ITPR1: variants seen among roughly 807,000 people sequenced by gnomAD.
ITPR1 encodes inositol 1,4,5-trisphosphate-gated calcium channel ITPR1.
ITPR1 carries 96 observed loss-of-function variants against 318.4 expected under a neutral mutation model. The ratio of observed to expected loss-of-function variants is 0.30; its 90% CI spans 0.26 to 0.36. The LOEUF (loss-of-function observed/expected upper bound fraction) is 0.36, where lower values mean the gene tolerates loss of function less well. Among genes scored for constraint, ITPR1 ranks in the 10% least tolerant of loss-of-function variants. The pLI is 1.00. For missense variants in ITPR1, 2,440 were observed against 3,460.2 expected, an observed-to-expected ratio of 0.71 and a Z score of 7.40; for synonymous variants, 1,312 against 1,289.9, an observed-to-expected ratio of 1.02 and a Z score of -0.37.
intron 2 of ITPR1, among the ~76,000 whole-genome samples, chr3:4,497,180 G>T (rs1575301324): frequency 6.6e-6 from 1 of 151,902 alleles, no homozygotes; most frequent in Non-Finnish European, 1.5e-5. Flanking sequence ...CAATTCTCTT[G>T]GTTTCTGTGG....
At chr3:4,535,027 C>T (rs186133577) in intron 4 of ITPR1, among the ~76,000 whole-genome samples, 2 of 151,954 alleles carry the variant, frequency 1.3e-5, no homozygotes, top group African/African-American at 4.8e-5. Context: ...ACCAGCTAAT[C>T]GGTTTTCTAA....
At chr3:4,535,517 A>G (rs1470910171) in intron 4 of ITPR1, among the ~76,000 whole-genome samples, 8 of 130,118 alleles carry the variant, frequency 6.1e-5, no homozygotes, top group African/African-American at 2.3e-4. Context: ...ATCTCGGCTC[A>G]CTCCAAGCTC....
chr3:4,720,573 G>T (rs1404659572), intron 40 of ITPR1, among the ~76,000 whole-genome samples: 1 of 152,164 alleles, frequency 6.6e-6, no homozygotes, highest in African/African-American at 2.4e-5. Context: ...CTGTTTCTAC[G>T]TATTTGAGAT....
At chr3:4,651,766 C>T (rs543009692) in intron 10 of ITPR1, among the ~76,000 whole-genome samples, 2 of 152,324 alleles carry the variant, frequency 1.3e-5, no homozygotes, top group South Asian at 2.1e-4. Flanking sequence ...TGAGTACATG[C>T]GTAGATTGCT....
intron 4 of ITPR1, among the ~76,000 whole-genome samples, chr3:4,546,717 T>C (rs937826873): frequency 6.6e-5 from 10 of 151,994 alleles, no homozygotes; most frequent in Non-Finnish European, 1.2e-4. Context: ...AGGGTGATGA[T>C]TCAAATTCAG....
At chr3:4,617,267 TGAGC>T (rs2092423625) in intron 4 of ITPR1, among the ~76,000 whole-genome samples, 1 of 152,116 alleles carries the variant, frequency 6.6e-6, no homozygotes. Flanking sequence ...TAATTTATAA[TGAGC>T]AGAAACTTGT....
chr3:4,509,416 A>C (rs1404413617), intron 2 of ITPR1, among the ~76,000 whole-genome samples: 1 of 152,214 alleles, frequency 6.6e-6, no homozygotes, highest in Non-Finnish European at 1.5e-5. Context: ...TTCTCATAGA[A>C]ATCTATTGAA....
chr3:4,576,854 A>G (rs1007581359), intron 4 of ITPR1, among the ~76,000 whole-genome samples: 1 of 152,244 alleles, frequency 6.6e-6, no homozygotes, highest in Non-Finnish European at 1.5e-5. Flanking sequence ...GTAGTAATTC[A>G]TGAGGGATCA....
intron 4 of ITPR1, among the ~76,000 whole-genome samples, chr3:4,602,331 G>A (rs192675408): frequency 2.0e-4 from 30 of 152,024 alleles, no homozygotes; most frequent in Non-Finnish European, 3.1e-4. Context: ...ACTAGCCTAG[G>A]CAACATGGCA....
intron 30 of ITPR1, among the ~76,000 whole-genome samples, chr3:4,686,299 A>G (rs984643464): frequency 6.6e-5 from 10 of 152,294 alleles, no homozygotes; most frequent in Admixed American, 6.5e-4. Context: ...TGGGGACCAT[A>G]TGAATCGGGC....
rs141746731 is a variant in ITPR1, at chr3:4,694,962, T to G, written c.4281+1221T>G. On this transcript the variant is annotated intron_variant, in intron 33 of 61. Coordinates refer to ENST00000649015, the MANE Select transcript of ITPR1 (RefSeq NM_001378452.1). ...AACGCATACAGTATATATACTTTACTTCCCCACCCCCTTTTTGTAAATGCA... is the reference window on the plus strand; with the variant it reads ...AACGCATACAGTATATATACTTTACGTCCCCACCCCCTTTTTGTAAATGCA... 5.0e-4 allele frequency among the ~76,000 whole-genome samples: 76 copies of G among 152,348 alleles called. 1 individual carries two copies. The East Asian group carries it at 0.013, about 27-fold the overall frequency.
At chr3:4,574,600 G>A (rs2088424199) in intron 4 of ITPR1, among the ~76,000 whole-genome samples, 1 of 152,182 alleles carries the variant, frequency 6.6e-6, no homozygotes, top group Admixed American at 6.5e-5. Flanking sequence ...ATGTATAACG[G>A]CTTTGTTTTC....
intron 44 of ITPR1, among the ~76,000 whole-genome samples, chr3:4,762,769 T>A (rs1039477449): frequency 2.0e-5 from 3 of 152,198 alleles, no homozygotes; most frequent in Non-Finnish European, 2.9e-5. Flanking sequence ...AGAAACACCT[T>A]CCCAGTGTGG....
At chr3:4,692,481 A>G (rs988090368) in intron 32 of ITPR1, among the ~76,000 whole-genome samples, 3 of 152,216 alleles carry the variant, frequency 2.0e-5, no homozygotes, top group Non-Finnish European at 2.9e-5. Context: ...CTGAGATACA[A>G]TGAGGTTAGG....
chr3:4,770,035 G>A (rs2046085744), intron 46 of ITPR1, among the ~76,000 whole-genome samples: 1 of 152,156 alleles, frequency 6.6e-6, no homozygotes, highest in African/African-American at 2.4e-5. Context: ...AAGGGCATCT[G>A]AACCTCTATC....
intron 51 of ITPR1, among the ~76,000 whole-genome samples, chr3:4,787,730 A>G (rs909090519): frequency 1.3e-5 from 2 of 152,018 alleles, no homozygotes; most frequent in Non-Finnish European, 2.9e-5. Context: ...AAAAATAAAT[A>G]AATAAAGTTA....
chr3:4,709,732 A>G (rs1176121410), intron 37 of ITPR1, among the ~76,000 whole-genome samples: 2 of 152,220 alleles, frequency 1.3e-5, no homozygotes, highest in Non-Finnish European at 2.9e-5. Flanking sequence ...CTATCAGGGT[A>G]CATGTATTTA....
intron 2 of ITPR1, among the ~76,000 whole-genome samples, chr3:4,498,565 C>T (rs1052756786): frequency 6.6e-6 from 1 of 152,174 alleles, no homozygotes; most frequent in East Asian, 1.9e-4. Context: ...TGGTTTTCAA[C>T]ATCACAAAAC....
chr3:4,547,118 T>C (rs1418078488), intron 4 of ITPR1, among the ~76,000 whole-genome samples: 2 of 152,238 alleles, frequency 1.3e-5, no homozygotes, highest in African/African-American at 4.8e-5. Flanking sequence ...AGGCCTGTGC[T>C]AGGCATGATT....
Sources: gnomAD v4.1 joint callset for allele counts (sites outside exome capture counted in the v4.1 genomes callset) on GRCh38, gnomAD v4.1.1 for gene constraint, MANE v1.5 for transcripts, NCBI Gene and HGNC (gene_info 2026-07-23, HGNC 2026-07-21) for gene names.